ITGA7: variants seen among roughly 807,000 people sequenced by gnomAD.
ITGA7 encodes the protein integrin subunit alpha 7, also known as integrin alpha-7.
Under a neutral mutation model 131.6 loss-of-function variants are expected in ITGA7, and 84 were observed. That is an observed-to-expected ratio of 0.64 (90% confidence interval 0.54 to 0.77). The LOEUF (loss-of-function observed/expected upper bound fraction) is 0.77. Ranked by LOEUF, ITGA7 falls within the 30% of genes least tolerant of loss-of-function variation. The probability of loss-of-function intolerance (pLI) is 0.00; values close to 1 mark genes in which losing one functional copy is unlikely to be tolerated. For synonymous variants in ITGA7, 548 were observed against 600.7 expected, an observed-to-expected ratio of 0.91 and a Z score of 1.28; for missense variants, 1,399 against 1,482.9, an observed-to-expected ratio of 0.94 and a Z score of 0.93.
chr12:55,701,476 T>C (rs775298413), intron 3 of ITGA7: 10 of 1,522,182 alleles, frequency 6.6e-6, no homozygotes, highest in Middle Eastern at 1.7e-4. Flanking sequence ...TCCCTGATCA[T>C]GTCACAGTCC....
rs1196393225 is a variant in ITGA7 at position 55,698,857 on chromosome 12, C to T, written c.851G>A (p.Gly284Glu). ...ACCCTTGTGGTTGGCGCGGGGGGCT[C>T]CAGCCACAAAGCTCAGCTCTTCTGC... Reference protein sequence around the residue: ...VRAEELSFVAGAPRANHKGAV... With the variant: ...VRAEELSFVAEAPRANHKGAV... Residue 284 changes from glycine to glutamate, a missense_variant, in exon 6 of 25, where the codon GGA becomes GAA. Coordinates refer to ENST00000257879, the MANE Select transcript of ITGA7 (RefSeq NM_002206.3). 2 of 1,613,954 alleles carry T rather than the reference C, an allele frequency of 1.2e-6. No homozygotes were observed. The highest frequency in any genetic ancestry group is 1.7e-6 in the Non-Finnish European group (2 of 1,179,974).
At chr12:55,703,944 A>G (rs1288131106) in intron 1 of ITGA7, among the ~76,000 whole-genome samples, 1 of 151,890 alleles carries the variant, frequency 6.6e-6, no homozygotes, top group African/African-American at 2.4e-5. Context: ...CCTCCCCCTC[A>G]GCCTCTTTCC....
intron 7 of ITGA7, 171 bp from the exon 8 acceptor site, chr12:55,698,197 T>A: frequency 1.2e-6 from 1 of 826,670 alleles, no homozygotes; most frequent in Non-Finnish European, 1.9e-6. Context: ...TCCCTGCAGA[T>A]ATTACTAACG....
chr12:55,712,694 C>G (rs1048400902), upstream of ITGA7, among the ~76,000 whole-genome samples: 2 of 152,176 alleles, frequency 1.3e-5, no homozygotes, highest in Non-Finnish European at 2.9e-5. Flanking sequence ...CTACCAAGGA[C>G]AAGTGAAGCT....
rs374209166 is a variant in ITGA7, at chr12:55,685,085, A to C, written c.3387T>G (p.Asp1129Glu). The change falls in exon 25 of 25, where the codon GAT becomes GAG. Residue 1129 changes from aspartate to glutamate, a missense_variant. Coordinates refer to ENST00000257879, the MANE Select transcript of ITGA7 (RefSeq NM_002206.3). ...AADGHPELGPDGHPGPGTA is the reference protein window; with the variant it reads ...AADGHPELGPEGHPGPGTA ...AGGCGGTGCCTGGCCCTGGATGCCC[A>C]TCGGGGCCCAGCTCGGGATGCCCGT... 4 of 1,600,656 alleles carry C rather than the reference A, an allele frequency of 2.5e-6. No individual in the cohort carries two copies. The highest frequency in any genetic ancestry group is 3.4e-6 in the Non-Finnish European group (4 of 1,175,298).
In ITGA7 at chr12:55,696,907, G is replaced by C; in HGVS notation, c.1729C>G (p.Gln577Glu). 1 of 1,614,176 alleles carries C rather than the reference G, an allele frequency of 6.2e-7. No homozygotes were observed. Among genetic ancestry groups the C allele is most frequent in the Middle Eastern group, 1.7e-4 (1 of 6,050 alleles). The change falls in exon 12 of 25, where the codon CAG becomes GAG. Residue 577 changes from glutamine (Q) to glutamate (E), a missense_variant. Physicochemically the swap from Gln to Glu is conservative, Grantham distance 29. Transcript: ENST00000257879. The stretch of plus-strand genomic sequence containing the variant: ...AAGGGGTCAGTGTCCACCTGGAGCT[G>C]GAACATGGCGTCTCCACAGACTCGG... ...HDRVCGDAMF[Q>E]LQENVKDKLR...
chr12:55,698,065 G>A, intron 7 of ITGA7, 39 bp from the exon 8 acceptor site: 3 of 1,588,798 alleles, frequency 1.9e-6, no homozygotes, highest in Non-Finnish European at 1.7e-6. Context: ...GCTGGCTGGG[G>A]GCCTTGCAGA....
intron 6 of ITGA7, 45 bp from the exon 7 acceptor site, chr12:55,698,621 AG>A: frequency 6.2e-7 from 1 of 1,613,152 alleles, no homozygotes; most frequent in Non-Finnish European, 8.5e-7. Context: ...CCCTGGCCAG[AG>A]GAGCCAGCAG....
chr12:55,687,005 T>G (rs1232752953), intron 24 of ITGA7, among the ~76,000 whole-genome samples: 1 of 151,948 alleles, frequency 6.6e-6, no homozygotes, highest in Non-Finnish European at 1.5e-5. Context: ...CCCACCTTCC[T>G]CTGAGGACTG....
intron 22 of ITGA7, 104 bp downstream of exon 22, chr12:55,688,740 G>T: frequency 1.1e-6 from 1 of 877,328 alleles, no homozygotes; most frequent in Non-Finnish European, 1.9e-6. Flanking sequence ...AAAAAAAGGG[G>T]GGGGATGCTG....
upstream of ITGA7, chr12:55,712,393 T>C: frequency 2.8e-6 from 2 of 714,440 alleles, no homozygotes; most frequent in Non-Finnish European, 5.1e-6. Context: ...TGTGAAGCCT[T>C]GTCTACTCAC....
chr12:55,696,558 G>A, intron 12 of ITGA7, 126 bp from the exon 13 acceptor site: 5 of 1,054,372 alleles, frequency 4.7e-6, no homozygotes, highest in Non-Finnish European at 5.7e-6. Flanking sequence ...AATGAGAGAG[G>A]TGGAGAACTG....
intron 5 of ITGA7, chr12:55,699,633 A>G: frequency 1.8e-6 from 1 of 571,248 alleles, no homozygotes; most frequent in South Asian, 2.0e-5. Context: ...TTCCACCTGA[A>G]TCTTCCTCCA....
At chr12:55,695,204 T>C (rs1223351920) in intron 14 of ITGA7, 2 of 601,556 alleles carry the variant, frequency 3.3e-6, no homozygotes, top group Non-Finnish European at 5.9e-6. Flanking sequence ...TTAACCTCTC[T>C]AGGCTTCAGT....
chr12:55,712,123 C>T (rs1352863214), upstream of ITGA7: 10 of 1,551,392 alleles, frequency 6.4e-6, no homozygotes, highest in African/African-American at 2.7e-5. Context: ...AAAGCTTGAA[C>T]CATGGGAGTG....
At chr12:55,714,782 A>ATACATATATACACATATATACGTATACT (rs1876391776), upstream of ITGA7, among the ~76,000 whole-genome samples, 2 of 151,170 alleles carry the variant, frequency 1.3e-5, no homozygotes, top group African/African-American at 4.9e-5. Context: ...ATACGTATAC[A>ATACATATATACACATATATACGTATACT]TACATATATA....
At chr12:55,687,229 G>A (rs374217891) in intron 24 of ITGA7, among the ~76,000 whole-genome samples, 100 of 134,394 alleles carry the variant, frequency 7.4e-4, no homozygotes, top group African/African-American at 2.8e-3. Flanking sequence ...CCAGGTTGCA[G>A]TGCAGTGGCG....
chr12:55,702,427 C>A (rs1030290142), intron 3 of ITGA7, among the ~76,000 whole-genome samples: 4 of 152,090 alleles, frequency 2.6e-5, no homozygotes, highest in African/African-American at 9.7e-5. Context: ...CTCGGCCTCC[C>A]AAAGTGCTGG....
At chr12:55,716,062 G>T (rs1216332616), upstream of ITGA7, 2 of 1,561,056 alleles carry the variant, frequency 1.3e-6, no homozygotes, top group South Asian at 1.2e-5. Flanking sequence ...ATGGCCCCGG[G>T]GAGCCGAGGT....
Sources: gnomAD v4.1 joint callset for allele counts (sites outside exome capture counted in the v4.1 genomes callset) on GRCh38, gnomAD v4.1.1 for gene constraint, MANE v1.5 for transcripts, NCBI Gene and HGNC (gene_info 2026-07-23, HGNC 2026-07-21) for gene names.